Variants in RALGPS2 observed in about 807,000 individuals in gnomAD.
RALGPS2 encodes ras-specific guanine nucleotide-releasing factor RalGPS2.
A neutral mutation model predicts 86.8 loss-of-function variants in RALGPS2; 43 were observed. The observed-to-expected ratio is 0.50, with a 90% CI of 0.39 to 0.64. RALGPS2 has a LOEUF of 0.64. RALGPS2 is among the 30% of genes least tolerant of loss of function. The probability of loss-of-function intolerance (pLI) is 0.00; values close to 1 mark genes in which losing one functional copy is unlikely to be tolerated. For synonymous variants in RALGPS2, 243 were observed against 231.3 expected (o/e 1.05, Z -0.46); for missense variants, 536 against 694.6 (o/e 0.77, Z 2.57).
At position 178,817,913 on chromosome 1, in the gene RALGPS2, G is replaced by A. The variant is rs187911460; in HGVS notation, c.388-3699G>A. Among the ~76,000 whole-genome samples the A allele has an allele frequency of 3.0e-3, 458 of 152,220 alleles. 1 individual carries two copies. Among genetic ancestry groups the A allele is most frequent in the African/African-American group, 0.011 (451 of 41,522 alleles). On this transcript the variant is annotated intron_variant, in intron 6 of 19. Coordinates refer to ENST00000367635, the MANE Select transcript of RALGPS2 (RefSeq NM_152663.5). ...ATTGTTTGGTGCTACATATGCAGTC[G>A]TGTTACCTGAAAATAAAGGCAGATT...
chr1:178,736,141 G>A (rs1650687088), intron 1 of RALGPS2, among the ~76,000 whole-genome samples: 1 of 150,190 alleles, frequency 6.7e-6, no homozygotes, highest in Non-Finnish European at 1.5e-5. Context: ...TGTAATAAGT[G>A]CTCTGTGTTT....
At chr1:178,792,050 A>G (rs1006700323) in intron 4 of RALGPS2, among the ~76,000 whole-genome samples, 40 of 152,226 alleles carry the variant, frequency 2.6e-4, no homozygotes, top group African/African-American at 8.7e-4. Context: ...AGCAAACATA[A>G]TGCTAAGCCT....
intron 2 of RALGPS2, among the ~76,000 whole-genome samples, chr1:178,780,404 A>AT (rs543758112): frequency 1.1e-4 from 17 of 152,110 alleles, no homozygotes; most frequent in Non-Finnish European, 2.2e-4. Flanking sequence ...TGTTGCACTT[A>AT]TATTTTCTGT....
intron 8 of RALGPS2, among the ~76,000 whole-genome samples, chr1:178,864,659 G>C (rs1484897280): frequency 6.6e-6 from 1 of 152,134 alleles, no homozygotes; most frequent in African/African-American, 2.4e-5. Flanking sequence ...GTGGTTCGGA[G>C]TGGAGCATGT....
intron 17 of RALGPS2, among the ~76,000 whole-genome samples, chr1:178,901,249 A>C (rs574312405): frequency 6.6e-6 from 1 of 152,186 alleles, no homozygotes; most frequent in East Asian, 1.9e-4. Context: ...GAGGAACAGA[A>C]TGTTACTAGA....
intron 8 of RALGPS2, chr1:178,851,116 C>T (rs1485220283): frequency 6.9e-6 from 11 of 1,605,636 alleles, no homozygotes; most frequent in African/African-American, 5.4e-5. Context: ...TTTAAATTGG[C>T]GAGTGTCTCT....
chr1:178,800,988 G>A (rs1022339244), intron 4 of RALGPS2, among the ~76,000 whole-genome samples: 4 of 151,476 alleles, frequency 2.6e-5, no homozygotes, highest in Non-Finnish European at 5.9e-5. Flanking sequence ...GCGCAGTGGC[G>A]TGATCTCAGC....
intron 8 of RALGPS2, among the ~76,000 whole-genome samples, chr1:178,868,564 A>G (rs1658559394): frequency 6.6e-6 from 1 of 152,026 alleles, no homozygotes; most frequent in Non-Finnish European, 1.5e-5. Flanking sequence ...CCAGACACAG[A>G]TTTTTATAAA....
At chr1:178,731,271 G>GTTTTTTTTTTT (rs1491268143) in intron 1 of RALGPS2, among the ~76,000 whole-genome samples, 13 of 69,362 alleles carry the variant, frequency 1.9e-4, no homozygotes, top group African/African-American at 5.2e-4. Flanking sequence ...TAGTTGTTTT[G>GTTTTTTTTTTT]GTTTTTTTTT....
intron 1 of RALGPS2, among the ~76,000 whole-genome samples, chr1:178,731,271 G>GTTTTTT (rs1491268143): frequency 4.3e-5 from 3 of 69,376 alleles, no homozygotes; most frequent in African/African-American, 1.6e-4. Context: ...TAGTTGTTTT[G>GTTTTTT]GTTTTTTTTT....
chr1:178,765,646 T>C (rs1438724465), intron 1 of RALGPS2, among the ~76,000 whole-genome samples: 1 of 152,160 alleles, frequency 6.6e-6, no homozygotes. Flanking sequence ...TAGGCGGGAA[T>C]TTCCTTTTCC....
intron 7 of RALGPS2, among the ~76,000 whole-genome samples, chr1:178,823,899 A>T (rs1030003448): frequency 6.6e-6 from 1 of 152,180 alleles, no homozygotes; most frequent in Non-Finnish European, 1.5e-5. Flanking sequence ...TGTTATAATC[A>T]TCAATGTAAA....
chr1:178,749,047 A>G (rs1651502641), intron 1 of RALGPS2, among the ~76,000 whole-genome samples: 1 of 152,130 alleles, frequency 6.6e-6, no homozygotes, highest in African/African-American at 2.4e-5. Flanking sequence ...TGTGTTGCCT[A>G]GGCTAGTCTT....
intron 6 of RALGPS2, among the ~76,000 whole-genome samples, chr1:178,820,968 AT>A (rs1655470911): frequency 6.6e-6 from 1 of 152,210 alleles, no homozygotes; most frequent in African/African-American, 2.4e-5. Context: ...ATCAGGCAGT[AT>A]TTAAAAATCT....
chr1:178,747,328 A>AG, intron 1 of RALGPS2: 1 of 1,532,890 alleles, frequency 6.5e-7, no homozygotes, highest in South Asian at 1.1e-5. Flanking sequence ...AATGAAAGTG[A>AG]GATATTGTTC....
chr1:178,776,864 C>T, intron 2 of RALGPS2, 43 bp downstream of exon 2: 2 of 1,522,152 alleles, frequency 1.3e-6, no homozygotes, highest in East Asian at 2.3e-5. Context: ...TCTTACCTGG[C>T]TTTCTAATTT....
chr1:178,735,721 G>T (rs1320048978), intron 1 of RALGPS2, among the ~76,000 whole-genome samples: 1 of 143,694 alleles, frequency 7.0e-6, no homozygotes, highest in Non-Finnish European at 1.5e-5. Context: ...CATTATATTT[G>T]TACATGTATC....
intron 17 of RALGPS2, among the ~76,000 whole-genome samples, chr1:178,901,698 AAG>A (rs1491355502): frequency 1.1e-4 from 17 of 152,036 alleles, no homozygotes; most frequent in African/African-American, 3.9e-4. Flanking sequence ...AAAAAAAAAA[AAG>A]AACTCTCTGA....
At chr1:178,861,412 A>G (rs1278445954) in intron 8 of RALGPS2, among the ~76,000 whole-genome samples, 1 of 151,870 alleles carries the variant, frequency 6.6e-6, no homozygotes, top group African/African-American at 2.4e-5. Flanking sequence ...TGACATACTA[A>G]ATCCCTAATA....
Sources: gnomAD v4.1 joint callset for allele counts (sites outside exome capture counted in the v4.1 genomes callset) on GRCh38, gnomAD v4.1.1 for gene constraint, MANE v1.5 for transcripts, NCBI Gene and HGNC (gene_info 2026-07-23, HGNC 2026-07-21) for gene names.